The following ZMAT4 variants were observed in gnomAD, a reference collection of about 807,000 sequenced individuals.
ZMAT4 encodes the protein zinc finger matrin-type protein 4.
A neutral mutation model predicts 28.7 loss-of-function variants in ZMAT4; 17 were observed. The ratio of observed to expected loss-of-function variants is 0.59; its 90% CI spans 0.41 to 0.89. The LOEUF is 0.89. Ranked by LOEUF, ZMAT4 falls within the 40% of genes least tolerant of loss-of-function variation. ZMAT4 has a pLI of 0.00. For missense variants in ZMAT4, 240 were observed against 283.8 expected (o/e 0.85, Z 1.11); for synonymous variants, 117 against 109.2 (o/e 1.07, Z -0.44).
chr8:40,827,585 T>A (rs764854977), intron 1 of ZMAT4, among the ~76,000 whole-genome samples: 5 of 152,248 alleles, frequency 3.3e-5, no homozygotes, highest in Non-Finnish European at 7.3e-5. Context: ...AGGGCATTTG[T>A]CTTCAGCAAT....
chr8:40,738,162 T>A (rs982702624), intron 3 of ZMAT4, among the ~76,000 whole-genome samples: 1 of 152,152 alleles, frequency 6.6e-6, no homozygotes, highest in Non-Finnish European at 1.5e-5. Context: ...TATATTGCAT[T>A]TTAATACAGA....
intron 5 of ZMAT4, among the ~76,000 whole-genome samples, chr8:40,667,288 T>TG (rs1301360560): frequency 6.6e-5 from 10 of 152,048 alleles, no homozygotes; most frequent in Non-Finnish European, 1.3e-4. Context: ...CCCGAGTAGC[T>TG]GGGACTATAG....
intron 5 of ZMAT4, among the ~76,000 whole-genome samples, chr8:40,581,604 T>C (rs1804466620): frequency 6.6e-6 from 1 of 152,194 alleles, no homozygotes; most frequent in Admixed American, 6.5e-5. Flanking sequence ...ATCTCTGCAG[T>C]GAAATTTGAG....
rs752387013 is a variant in ZMAT4 at position 40,674,889 on chromosome 8, G to A, written c.392C>T (p.Ala131Val). The change falls in exon 5 of 7, where the codon GCT (alanine) becomes GTT (valine). Residue 131 changes from alanine (A) to valine (V), a missense_variant. By Grantham distance (64) the Ala-to-Val change is moderately conservative (BLOSUM62 0). Transcript: ENST00000297737. ...TTGATAGGGAGATGCGACCACCGGA[G>A]CAGTGTCCATCCGTGGGGGCTTAAG... The part of the protein sequence containing the change: ...SPLKPPRMDT[A>V]PVVASPYQRR... 3 of 1,613,406 alleles carry A rather than the reference G, an allele frequency of 1.9e-6. No homozygotes were observed. The highest frequency in any genetic ancestry group is 1.7e-5 in the Admixed American group (1 of 59,972).
intron 1 of ZMAT4, among the ~76,000 whole-genome samples, chr8:40,832,978 C>A (rs758105505): frequency 6.6e-6 from 1 of 152,142 alleles, no homozygotes; most frequent in Non-Finnish European, 1.5e-5. Context: ...GTGGCTGTTG[C>A]CTGACATTTG....
chr8:40,686,621 C>T (rs970515631), intron 4 of ZMAT4, among the ~76,000 whole-genome samples: 1 of 152,040 alleles, frequency 6.6e-6, no homozygotes, highest in African/African-American at 2.4e-5. Flanking sequence ...GAGTGAGTCC[C>T]TGTCTCTACA....
intron 3 of ZMAT4, among the ~76,000 whole-genome samples, chr8:40,763,915 G>A (rs935619163): frequency 6.6e-6 from 1 of 151,828 alleles, no homozygotes; most frequent in Non-Finnish European, 1.5e-5. Flanking sequence ...TAAAAATACT[G>A]TTTACTTAAA....
At chr8:40,567,427 C>T (rs1052358277) in intron 6 of ZMAT4, among the ~76,000 whole-genome samples, 3 of 152,012 alleles carry the variant, frequency 2.0e-5, no homozygotes, top group African/African-American at 7.2e-5. Context: ...GTCTAGATAA[C>T]ATTAACTCAA....
intron 5 of ZMAT4, among the ~76,000 whole-genome samples, chr8:40,600,434 G>T (rs1367376805): frequency 6.6e-6 from 1 of 152,190 alleles, no homozygotes; most frequent in Non-Finnish European, 1.5e-5. Flanking sequence ...TTCATACAGG[G>T]TGTGGCCAGG....
chr8:40,696,736 A>T lies in ZMAT4; in HGVS notation c.349+509T>A, dbSNP rs78361995. ...TGATGAGAATGTCATCTCAGAAAAA[A>T]AAATAAATAAATCAGTTCTTGGCAC... On this transcript the variant is annotated intron_variant, in intron 4 of 6. Transcript: ENST00000297737. Among the ~76,000 whole-genome samples the T allele has an allele frequency of 2.6e-4, 40 of 152,288 alleles. No homozygotes were observed. In the East Asian group the frequency reaches 6.0e-3, roughly 23 times the overall value.
chr8:40,723,267 G>A (rs552570007), intron 3 of ZMAT4, among the ~76,000 whole-genome samples: 2 of 152,210 alleles, frequency 1.3e-5, no homozygotes, highest in South Asian at 2.1e-4. Flanking sequence ...GTAGGACTGG[G>A]CACGGTGGCT....
chr8:40,576,504 T>A (rs1458099571), intron 6 of ZMAT4, among the ~76,000 whole-genome samples: 6 of 142,610 alleles, frequency 4.2e-5, no homozygotes, highest in Admixed American at 7.2e-5. Context: ...CAGGAGAGAA[T>A]GGGATGACAT....
chr8:40,685,532 C>T (rs1391755348), intron 4 of ZMAT4, among the ~76,000 whole-genome samples: 1 of 152,118 alleles, frequency 6.6e-6, no homozygotes, highest in African/African-American at 2.4e-5. Flanking sequence ...TCAAAAATTG[C>T]ATACTTCATT....
intron 4 of ZMAT4, 114 bp downstream of exon 4, chr8:40,697,131 G>C: frequency 1.6e-6 from 2 of 1,261,398 alleles, no homozygotes; most frequent in South Asian, 3.4e-5. Context: ...TTTGAATGAC[G>C]TCTACCATTA....
chr8:40,551,540 G>C (rs923636214), intron 6 of ZMAT4, among the ~76,000 whole-genome samples: 1 of 152,184 alleles, frequency 6.6e-6, no homozygotes, highest in Admixed American at 6.5e-5. Context: ...GGATGATCAA[G>C]AAAGGTAGAT....
chr8:40,661,433 T>C (rs371525269), intron 5 of ZMAT4, among the ~76,000 whole-genome samples: 7 of 152,340 alleles, frequency 4.6e-5, no homozygotes, highest in African/African-American at 9.6e-5. Context: ...AATGAGATAG[T>C]AAACAAATAC....
intron 5 of ZMAT4, among the ~76,000 whole-genome samples, chr8:40,648,469 G>T (rs888113885): frequency 6.6e-6 from 1 of 151,346 alleles, no homozygotes; most frequent in African/African-American, 2.4e-5. Context: ...GAAAGTGATG[G>T]GGAGAATGGA....
In ZMAT4 at chr8:40,631,620, A is replaced by C. The variant is rs140246334; in HGVS notation, c.577+43084T>G. ...TCCATGTTTTAATAGAGGGATCAGG[A>C]GATGGGGGAGATAGAAGTTAAATCA... On this transcript the variant is annotated intron_variant, in intron 5 of 6. Coordinates refer to ENST00000297737, the MANE Select transcript of ZMAT4 (RefSeq NM_024645.3). Among the ~76,000 whole-genome samples the C allele has an allele frequency of 2.0e-5, 3 of 152,312 alleles. No homozygotes were observed. The East Asian group carries it at 5.8e-4, about 29-fold the overall frequency.
At chr8:40,738,264 A>G (rs1017378368) in intron 3 of ZMAT4, among the ~76,000 whole-genome samples, 1 of 152,214 alleles carries the variant, frequency 6.6e-6, no homozygotes, top group South Asian at 2.1e-4. Context: ...ATTAAGAAAC[A>G]AACATTTCTT....
Sources: gnomAD v4.1 joint callset for allele counts (sites outside exome capture counted in the v4.1 genomes callset) on GRCh38, gnomAD v4.1.1 for gene constraint, MANE v1.5 for transcripts, NCBI Gene and HGNC (gene_info 2026-07-23, HGNC 2026-07-21) for gene names.